Variants in NGLY1 observed in about 807,000 individuals in gnomAD.
NGLY1 encodes the protein N-glycanase 1.
Under a neutral mutation model 84.6 loss-of-function variants are expected in NGLY1, and 68 were observed. The ratio of observed to expected loss-of-function variants is 0.80; its 90% confidence interval spans 0.66 to 0.98. The LOEUF (loss-of-function observed/expected upper bound fraction) is 0.98, where lower values mean the gene tolerates loss of function less well. Ranked by LOEUF, NGLY1 falls within the 50% of genes least tolerant of loss-of-function variation. The pLI is 0.00. For synonymous variants in NGLY1, 280 were observed against 275.2 expected (o/e 1.02, Z -0.17); for missense variants, 779 against 770.2 (o/e 1.01, Z -0.14).
At chr3:25,727,592 T>G (rs1224875544) in intron 10 of NGLY1, among the ~76,000 whole-genome samples, 1 of 152,190 alleles carries the variant, frequency 6.6e-6, no homozygotes, top group Admixed American at 6.5e-5. Flanking sequence ...ATTATAGCAC[T>G]CTGCATCATG....
At chr3:25,777,520 TTC>T (rs1708214390) in intron 2 of NGLY1, among the ~76,000 whole-genome samples, 1 of 152,110 alleles carries the variant, frequency 6.6e-6, no homozygotes, top group Non-Finnish European at 1.5e-5. Flanking sequence ...TGCAGCTTAT[TTC>T]TGTTTCACGG....
chr3:25,773,093 A>G, intron 2 of NGLY1, among the ~76,000 whole-genome samples: 1 of 152,196 alleles, frequency 6.6e-6, no homozygotes, highest in Middle Eastern at 3.2e-3. Context: ...AGATAACCTG[A>G]GGACTATGTG....
Position 25,778,616 on chromosome 3 carries a change from G to C in NGLY1, c.204C>G (p.Val68=). 6.2e-7 allele frequency: 1 copy of C among 1,611,802 alleles called. No individual in the cohort carries two copies. The highest frequency in any genetic ancestry group is 8.5e-7 in the Non-Finnish European group (1 of 1,178,706). ...NTAFSTRLLP[V]RGAVECLFEM... is the part of the protein sequence containing the mutation. ...CAAATAAACATTCAACAGCTCCTCT[G>C]ACAGGCAAGAGTCTAGTAGAAAAGG... The change falls in exon 2 of 12, where the codon GTC becomes GTG. Residue 68 remains valine, a synonymous_variant. Transcript: ENST00000280700.
chr3:25,741,130 T>TA (rs376282084), intron 4 of NGLY1, among the ~76,000 whole-genome samples: 1,407 of 105,572 alleles, frequency 0.013, 14 homozygotes, highest in South Asian at 0.04. Context: ...TCTGTCTCAT[T>TA]AAAAAAAAAA....
chr3:25,731,836 C>T (rs1314912197), intron 9 of NGLY1, among the ~76,000 whole-genome samples: 1 of 152,058 alleles, frequency 6.6e-6, no homozygotes, highest in Non-Finnish European at 1.5e-5. Flanking sequence ...CTATATGATT[C>T]CATTTTATAA....
intron 5 of NGLY1, among the ~76,000 whole-genome samples, chr3:25,738,474 T>C (rs1456389200): frequency 1.3e-5 from 2 of 152,126 alleles, no homozygotes; most frequent in East Asian, 1.9e-4. Flanking sequence ...GGAAAAGTGC[T>C]GCAGCTGAGC....
Position 25,789,767 on chromosome 3 carries a change from T to C in NGLY1, c.5+94A>G, listed in dbSNP as rs193285099. On this transcript the variant is annotated intron_variant, in intron 1 of 11. Transcript: ENST00000417874. ...CCTTAATTCTTTCTTACAATTCCAG[T>C]AGAATACGATGGTGTCCCTTCTCCG... The C allele has an allele frequency of 2.3e-5, 31 of 1,360,154 alleles. No homozygotes were observed. The East Asian group carries it at 6.3e-4, about 27-fold the overall frequency. The allele number at this position is 1,360,154 out of a possible 1,614,324, so 84.3% of individuals were successfully genotyped here.
chr3:25,783,384 C>T lies in NGLY1; in HGVS notation c.7G>A (p.Ala3Thr). 6.5e-7 allele frequency: 1 copy of T among 1,538,920 alleles called. No individual in the cohort carries two copies. Among genetic ancestry groups the T allele is most frequent in the African/African-American group, 1.4e-5 (1 of 70,998 alleles). The change falls in exon 1 of 12, where the codon GCG becomes ACG. Residue 3 changes from alanine (A) to threonine (T), a missense_variant. Ala to Thr is a moderately conservative substitution (Grantham distance 58). Transcript: ENST00000280700. The surrounding 1 kb of genome is among the most constrained non-coding windows in gnomAD (Gnocchi z 4.5). MAAAALGSSSGSA... is the reference protein window; with the variant it reads MATAALGSSSGSA... ...CCTGAGGAGCTGCCCAATGCCGCCG[C>T]CGCCATGCTTGAGCGCCAGCGGGCG...
At chr3:25,746,896 C>G (rs976350101) in intron 4 of NGLY1, among the ~76,000 whole-genome samples, 1 of 152,192 alleles carries the variant, frequency 6.6e-6, no homozygotes, top group Non-Finnish European at 1.5e-5. Context: ...GTGGTGCAAT[C>G]TCTACTCACT....
upstream of NGLY1, chr3:25,783,491 CGGGGTCCTCGGCCGG>C: frequency 8.6e-7 from 1 of 1,162,054 alleles, no homozygotes. The surrounding 1 kb of genome is among the most constrained non-coding windows in gnomAD (Gnocchi z 4.5). Context: ...CCGGCAGGGG[CGGGGTCCTCGGCCGG>C]CAGGGGCGGG....
intron 3 of NGLY1, among the ~76,000 whole-genome samples, chr3:25,753,372 C>T (rs1706856824): frequency 6.6e-6 from 1 of 151,994 alleles, no homozygotes; most frequent in African/African-American, 2.4e-5. Flanking sequence ...AAGTATATCA[C>T]TCTCAAATCC....
chr3:25,736,295 G>A (rs1342300764), intron 6 of NGLY1, 146 bp from the exon 7 acceptor site: 4 of 1,550,788 alleles, frequency 2.6e-6, no homozygotes, highest in African/African-American at 1.4e-5. Context: ...GTGGCACACA[G>A]GATTTTAGAA....
At chr3:25,773,738 G>A (rs1708012091) in intron 2 of NGLY1, among the ~76,000 whole-genome samples, 1 of 152,094 alleles carries the variant, frequency 6.6e-6, no homozygotes, top group Admixed American at 6.5e-5. Flanking sequence ...CCTCATTTAG[G>A]TATAGACTAT....
chr3:25,739,657 A>G lies in NGLY1; in HGVS notation c.801T>C (p.Ser267=), dbSNP rs199578758. 7.4e-6 allele frequency: 12 copies of G among 1,613,974 alleles called. 1 individual carries two copies. The highest frequency in any genetic ancestry group is 1.0e-5 in the Non-Finnish European group (12 of 1,180,012). Residue 267 remains serine, a synonymous_variant, in exon 5 of 12, where the codon AGT becomes AGC. Coordinates refer to ENST00000280700, the MANE Select transcript of NGLY1 (RefSeq NM_018297.4). ...TTGCACCCCACTTCAGCTCATCATCACTGGGCAGTAATGATCTATCTCTAG... is the reference window on the plus strand; with the variant it reads ...TTGCACCCCACTTCAGCTCATCATCGCTGGGCAGTAATGATCTATCTCTAG... ...TRSRDRSLLP[S]DDELKWGAKE...
At chr3:25,721,697 C>T (rs1408816886) in intron 10 of NGLY1, among the ~76,000 whole-genome samples, 2 of 131,570 alleles carry the variant, frequency 1.5e-5, no homozygotes, top group Admixed American at 9.1e-5. Context: ...TGCAGTGAGC[C>T]GAGACTGCGC....
chr3:25,741,408 A>G (rs1188268609), intron 4 of NGLY1, among the ~76,000 whole-genome samples: 2 of 152,184 alleles, frequency 1.3e-5, no homozygotes, highest in Non-Finnish European at 2.9e-5. Flanking sequence ...AACAGGATGG[A>G]CTGTTTCAAT....
chr3:25,783,758 G>A (rs1232603166), upstream of NGLY1, among the ~76,000 whole-genome samples: 1 of 152,116 alleles, frequency 6.6e-6, no homozygotes, highest in Non-Finnish European at 1.5e-5. This position sits in a 1 kb window ranked among gnomAD's most constrained non-coding sequence, Gnocchi z 4.5. Context: ...CCAGAGTTGG[G>A]GCCTGGTCGT....
At chr3:25,723,257 T>C (rs578136970) in intron 10 of NGLY1, among the ~76,000 whole-genome samples, 91 of 152,302 alleles carry the variant, frequency 6.0e-4, no homozygotes, top group African/African-American at 2.1e-3. Context: ...AGCCTTAAAA[T>C]TTTCAGTCCT....
At chr3:25,734,583 G>A (rs1370194271) in intron 7 of NGLY1, 1 of 160,306 alleles carries the variant, frequency 6.2e-6, no homozygotes, top group Non-Finnish European at 1.3e-5. Flanking sequence ...GTGGTGGCAT[G>A]TGCTTGTAAT....
Sources: allele counts gnomAD v4.1 joint callset (sites outside exome capture counted in the v4.1 genomes callset), GRCh38; gene constraint gnomAD v4.1.1; non-coding constraint Gnocchi (gnomAD v3.1); transcripts MANE v1.5; gene names NCBI Gene and HGNC (gene_info 2026-07-23, HGNC 2026-07-21).